GFRA1: variants seen among roughly 807,000 people sequenced by gnomAD.
The protein encoded by GFRA1 is GDNF family receptor alpha-1.
In GFRA1, 16 loss-of-function variants were observed where a neutral mutation model predicts 51.6. The observed-to-expected ratio is 0.31, with a 90% confidence interval of 0.21 to 0.47. GFRA1 has a LOEUF of 0.47. Ranked by LOEUF, GFRA1 falls within the 20% of genes least tolerant of loss-of-function variation. GFRA1 has a pLI of 1.00. For missense variants in GFRA1, 530 were observed against 594.3 expected (o/e 0.89, Z 1.13); for synonymous variants, 270 against 241.3 (o/e 1.12, Z -1.10).
At chr10:116,182,883 T>C (rs1381800422) in intron 5 of GFRA1, among the ~76,000 whole-genome samples, 1 of 152,138 alleles carries the variant, frequency 6.6e-6, no homozygotes, top group African/African-American at 2.4e-5. Flanking sequence ...AGCTGAGCGC[T>C]CCTGGAAGAC....
At chr10:116,107,222 T>C (rs549913039) in intron 6 of GFRA1, among the ~76,000 whole-genome samples, 1 of 152,298 alleles carries the variant, frequency 6.6e-6, no homozygotes, top group African/African-American at 2.4e-5. Context: ...CCTTAGCACC[T>C]GTTGACATCT....
chr10:116,250,639 G>A (rs923192247), intron 4 of GFRA1, among the ~76,000 whole-genome samples: 2 of 152,136 alleles, frequency 1.3e-5, no homozygotes, highest in Admixed American at 6.5e-5. Context: ...TGGTCCAGAC[G>A]GCTGTTTTGC....
intron 5 of GFRA1, among the ~76,000 whole-genome samples, chr10:116,127,486 A>G (rs934583238): frequency 2.0e-5 from 3 of 152,218 alleles, no homozygotes; most frequent in Non-Finnish European, 4.4e-5. Flanking sequence ...TCAGAGTCCA[A>G]GAAATTTGCT....
At chr10:116,255,495 GAAAAAAAAAAACA>G in intron 4 of GFRA1, 2 of 667,644 alleles carry the variant, frequency 3.0e-6, no homozygotes, top group Non-Finnish European at 3.9e-6. Flanking sequence ...GAATCATCAG[GAAAAAAAAAAACA>G]AAAAAAAAAA....
chr10:116,097,843 T>C (rs1329002074), intron 6 of GFRA1, among the ~76,000 whole-genome samples: 4 of 152,224 alleles, frequency 2.6e-5, no homozygotes, highest in Non-Finnish European at 5.9e-5. Context: ...TGTATTTTCT[T>C]GGCACACTTT....
At chr10:116,116,881 C>T (rs1168325258) in intron 6 of GFRA1, among the ~76,000 whole-genome samples, 1 of 151,896 alleles carries the variant, frequency 6.6e-6, no homozygotes, top group Non-Finnish European at 1.5e-5. Context: ...CTGTCTTTAA[C>T]ACTGATGCTG....
At chr10:116,199,019 C>G (rs961336418) in intron 5 of GFRA1, among the ~76,000 whole-genome samples, 3 of 152,132 alleles carry the variant, frequency 2.0e-5, no homozygotes, top group African/African-American at 7.2e-5. Flanking sequence ...GATGCAGCCA[C>G]AGGCCAGGGA....
At chr10:116,072,139 CT>C (rs1955428240) in intron 9 of GFRA1, among the ~76,000 whole-genome samples, 2 of 151,810 alleles carry the variant, frequency 1.3e-5, no homozygotes, top group South Asian at 4.1e-4. Flanking sequence ...AGCAATTGTC[CT>C]TTTTTTGTGC....
chr10:116,092,730 T>G (rs1300171448), intron 8 of GFRA1, among the ~76,000 whole-genome samples: 1 of 152,242 alleles, frequency 6.6e-6, no homozygotes, highest in East Asian at 1.9e-4. Flanking sequence ...CTCAGCTGTA[T>G]GGCAGGATAA....
intron 4 of GFRA1, among the ~76,000 whole-genome samples, chr10:116,257,628 C>A (rs1407660359): frequency 6.6e-6 from 1 of 152,152 alleles, no homozygotes; most frequent in African/African-American, 2.4e-5. Context: ...CTTCTCTGGT[C>A]GAGAAGCATC....
At chr10:116,068,346 A>C (rs960643389) in intron 9 of GFRA1, among the ~76,000 whole-genome samples, 1 of 152,202 alleles carries the variant, frequency 6.6e-6, no homozygotes, top group Non-Finnish European at 1.5e-5. Flanking sequence ...TAAACCTGGC[A>C]CGGGCCACTG....
intron 5 of GFRA1, among the ~76,000 whole-genome samples, chr10:116,140,068 C>T (rs566297382): frequency 5.5e-4 from 83 of 152,222 alleles, no homozygotes; most frequent in South Asian, 6.2e-4. Context: ...AATCTTCTTC[C>T]CGTGGCATTA....
At chr10:116,158,732 G>T (rs1013998363) in intron 5 of GFRA1, among the ~76,000 whole-genome samples, 3 of 152,182 alleles carry the variant, frequency 2.0e-5, no homozygotes, top group African/African-American at 4.8e-5. Context: ...ACTGCAAGAG[G>T]TACTCACAGT....
chr10:116,271,621 C>A (rs1457293950), intron 2 of GFRA1, among the ~76,000 whole-genome samples: 1 of 152,170 alleles, frequency 6.6e-6, no homozygotes, highest in Non-Finnish European at 1.5e-5. Context: ...AAAAACTTTT[C>A]TCTTCCAAGT....
At chr10:116,156,594 C>G (rs946588254) in intron 5 of GFRA1, among the ~76,000 whole-genome samples, 1 of 152,192 alleles carries the variant, frequency 6.6e-6, no homozygotes, top group Non-Finnish European at 1.5e-5. Flanking sequence ...AAAACAAACA[C>G]CTCAATTCCA....
chr10:116,212,335 C>A (rs1174897424), intron 4 of GFRA1, among the ~76,000 whole-genome samples: 2 of 151,940 alleles, frequency 1.3e-5, no homozygotes. Flanking sequence ...GCCTGGCTAA[C>A]ATGGTGAAAC....
intron 5 of GFRA1, among the ~76,000 whole-genome samples, chr10:116,192,771 C>G (rs1366662054): frequency 6.6e-6 from 1 of 152,130 alleles, no homozygotes; most frequent in Admixed American, 6.5e-5. Flanking sequence ...AAACCCCACC[C>G]GGCCAGTCCT....
intron 5 of GFRA1, among the ~76,000 whole-genome samples, chr10:116,185,187 T>C (rs1962590577): frequency 6.6e-6 from 1 of 151,734 alleles, no homozygotes; most frequent in African/African-American, 2.4e-5. Flanking sequence ...AGACAGGACC[T>C]GGGCTTAAAT....
intron 5 of GFRA1, among the ~76,000 whole-genome samples, chr10:116,166,789 TTTTTTTTTTTTTTTTTTTTTTTTTTG>T (rs918714831): frequency 1.9e-4 from 12 of 62,144 alleles, no homozygotes; most frequent in African/African-American, 7.7e-4. Context: ...TCTTTTTTTT[TTTTTTTTTTTTTTTTTTTTTTTTTTG>T]TTGAGACGGA....
Sources: allele counts gnomAD v4.1 joint callset (sites outside exome capture counted in the v4.1 genomes callset), GRCh38; gene constraint gnomAD v4.1.1; transcripts MANE v1.5; gene names NCBI Gene and HGNC (gene_info 2026-07-23, HGNC 2026-07-21).